The following RASSF3 variants were observed in gnomAD, a reference collection of about 807,000 sequenced individuals.
RASSF3 encodes Ras association domain family member 3.
RASSF3 carries 19 observed loss-of-function variants against 19.9 expected under a neutral mutation model. The observed-to-expected ratio is 0.96, with a 90% confidence interval of 0.67 to 1.40. The LOEUF (loss-of-function observed/expected upper bound fraction) is 1.40. Among genes scored for constraint, RASSF3 ranks in the 40% most tolerant of loss-of-function variants. The pLI is 0.00. For synonymous variants in RASSF3, 110 were observed against 104.2 expected, an observed-to-expected ratio of 1.06 and a Z score of -0.34; for missense variants, 306 against 289.8, an observed-to-expected ratio of 1.06 and a Z score of -0.41.
downstream of RASSF3, among the ~76,000 whole-genome samples, chr12:64,544,135 C>G (rs576746851): frequency 2.0e-5 from 3 of 152,262 alleles, no homozygotes; most frequent in Non-Finnish European, 2.9e-5. Flanking sequence ...TGGTACTGCT[C>G]ACTCTTTGGG....
At position 64,695,372 on chromosome 12, in the gene RASSF3, G is replaced by C. The variant is rs1252319932; in HGVS notation, c.*460G>C. The C allele has an allele frequency of 6.5e-6, 1 of 153,354 alleles. No homozygotes were observed. Among genetic ancestry groups the C allele is most frequent in the Non-Finnish European group, 1.5e-5 (1 of 68,940 alleles). 9.5% of individuals were successfully genotyped at this position (153,354 alleles called of 1,614,324 possible). On this transcript the variant is annotated 3_prime_UTR_variant, in exon 5 of 5. Transcript: ENST00000542104. ...TTGTTTTCTTTTTTTAATGTCAGAGGAATCTATCCATGTGAATCGAAAGGC... is the reference window on the plus strand; with the variant it reads ...TTGTTTTCTTTTTTTAATGTCAGAGCAATCTATCCATGTGAATCGAAAGGC...
At chr12:64,543,282 A>T (rs911593486), downstream of RASSF3, among the ~76,000 whole-genome samples, 4 of 148,878 alleles carry the variant, frequency 2.7e-5, no homozygotes, top group African/African-American at 9.9e-5. Context: ...CCGGGCTAGC[A>T]GCTGCGGAGG....
intron 1 of RASSF3, among the ~76,000 whole-genome samples, chr12:64,661,769 C>A (rs1394608602): frequency 6.7e-6 from 1 of 149,706 alleles, no homozygotes; most frequent in Non-Finnish European, 1.5e-5. Context: ...GCAGCCTCCA[C>A]CTCCTGGGTT....
In RASSF3 at chr12:64,648,403, A is replaced by T. The variant is rs61603142; in HGVS notation, c.112-36384A>T. Among the ~76,000 whole-genome samples, 1,067 of 152,238 alleles carry T rather than the reference A, an allele frequency of 7.0e-3. 15 individuals are homozygous for T. The highest frequency in any genetic ancestry group is 0.025 in the African/African-American group (1,028 of 41,528). On this transcript the variant is annotated intron_variant, in intron 1 of 4. Transcript: ENST00000542104. ...TATATCTGGGCTGGAGAAAATGGAC[A>T]TGGGACTCACAAAACTGGTTGTAGG...
At position 64,581,820 on chromosome 12, in the gene RASSF3, C is replaced by G. The variant is rs559195073; in HGVS notation, c.294+40115C>G. Among the ~76,000 whole-genome samples, 3 of 141,158 alleles carry G rather than the reference C, an allele frequency of 2.1e-5. No individual in the cohort carries two copies. The Middle Eastern group carries it at 0.01, about 494-fold the overall frequency. 92.6% of individuals were successfully genotyped at this position (141,158 alleles called of 152,430 possible). ...TTTTTGTTTTTCTTTTTTGTTTCTT[C>G]TTTTTAAATCTGAAAACCTTTCAAA... is the stretch of plus-strand genomic sequence containing the variant. On this transcript the variant is annotated intron_variant, in intron 2 of 5. Transcript: ENST00000637125.
chr12:64,688,588 G>C, intron 3 of RASSF3, 135 bp downstream of exon 3: 1 of 721,900 alleles, frequency 1.4e-6, no homozygotes, highest in Non-Finnish European at 2.4e-6. Flanking sequence ...GGAAGCCATG[G>C]TGATCTTAGC....
intron 2 of RASSF3, among the ~76,000 whole-genome samples, chr12:64,577,867 G>A (rs1354376303): frequency 1.3e-5 from 2 of 152,028 alleles, no homozygotes; most frequent in Admixed American, 6.6e-5. Context: ...GATTATATGC[G>A]AAGATGTCTC....
rs558570739 is a variant in RASSF3 at position 64,689,615 on chromosome 12, C to T, written c.457+1162C>T. On this transcript the variant is annotated intron_variant, in intron 3 of 4. Transcript: ENST00000542104. ...CCTGCTCACCTGGACTTTAGCTGTA[C>T]AATCTGAAAGTAATCGTGACTTGTT... is the stretch of plus-strand genomic sequence containing the variant. 5.8e-4 allele frequency among the ~76,000 whole-genome samples: 88 copies of T among 152,214 alleles called. 1 individual carries two copies. The highest frequency in any genetic ancestry group is 2.0e-3 in the African/African-American group (82 of 41,554).
At chr12:64,597,839 A>T (rs1321194212) in intron 2 of RASSF3, among the ~76,000 whole-genome samples, 2 of 152,170 alleles carry the variant, frequency 1.3e-5, no homozygotes, top group Non-Finnish European at 2.9e-5. Flanking sequence ...TGAACTTCCT[A>T]TTCTATTCCT....
chr12:64,528,939 G>C (rs568199746), upstream of RASSF3, among the ~76,000 whole-genome samples: 3 of 152,332 alleles, frequency 2.0e-5, no homozygotes, highest in East Asian at 5.8e-4. Context: ...CCTTGGGCAG[G>C]TTACTCAGCC....
intron 1 of RASSF3, among the ~76,000 whole-genome samples, chr12:64,620,014 C>CTGTGTGTGTGTG (rs68044550): frequency 0.038 from 5,053 of 134,096 alleles, 174 homozygotes; most frequent in African/African-American, 0.094. Flanking sequence ...TGCAGGTTGA[C>CTGTGTGTGTGTG]TGTGTGTGTG....
chr12:64,509,678 A>G lies in RASSF3; in HGVS notation c.169+2349A>G, dbSNP rs1868316381. ...CTTCATCAGTAGATAATCTATACCT[A>G]GAAAGTTTGATTATCTGTTTTTCCA... On this transcript the variant is annotated intron_variant, in intron 1 of 5. Coordinates refer to the RASSF3 transcript ENST00000637125. Among the ~76,000 whole-genome samples, 2 of 152,150 alleles carry G rather than the reference A, an allele frequency of 1.3e-5. 1 individual carries two copies. The highest frequency in any genetic ancestry group is 4.1e-4 in the South Asian group (2 of 4,836).
intron 1 of RASSF3, among the ~76,000 whole-genome samples, chr12:64,645,901 CAGCCCTTGGCT>C (rs2136187025): frequency 6.6e-6 from 1 of 152,236 alleles, no homozygotes; most frequent in South Asian, 2.1e-4. Flanking sequence ...GTAATCTCCC[CAGCCCTTGGCT>C]AGAACCACTA....
chr12:64,641,414 A>ACACACACG, intron 1 of RASSF3, among the ~76,000 whole-genome samples: 5 of 142,194 alleles, frequency 3.5e-5, no homozygotes, highest in African/African-American at 1.4e-4. Context: ...ACACACACAC[A>ACACACACG]CGCGCGCGCG....
chr12:64,689,788 A>ATTTTTTTTTTTTTTTTT (rs1285995154), intron 3 of RASSF3, among the ~76,000 whole-genome samples: 12 of 42,902 alleles, frequency 2.8e-4, no homozygotes, highest in Non-Finnish European at 3.9e-4. Context: ...TAATTCGCTA[A>ATTTTTTTTTTTTTTTTT]TTCTTTTTTT....
At chr12:64,557,042 G>A (rs1406378982) in intron 2 of RASSF3, among the ~76,000 whole-genome samples, 2 of 151,934 alleles carry the variant, frequency 1.3e-5, no homozygotes, top group Non-Finnish European at 2.9e-5. Flanking sequence ...TCCCCATGTT[G>A]GCCAGGCTGA....
chr12:64,610,988 C>G (rs2136152813), intron 1 of RASSF3, among the ~76,000 whole-genome samples: 1 of 152,304 alleles, frequency 6.6e-6, no homozygotes, highest in Non-Finnish European at 1.5e-5. Context: ...GCCTTCCGCG[C>G]CAGATGGCCT....
chr12:64,542,216 C>T (rs1047695493), downstream of RASSF3, among the ~76,000 whole-genome samples: 1 of 152,054 alleles, frequency 6.6e-6, no homozygotes, highest in South Asian at 2.1e-4. Context: ...CTCACCCAGC[C>T]ACTCAAGAGG....
At chr12:64,551,000 C>T (rs1381874470) in intron 2 of RASSF3, among the ~76,000 whole-genome samples, 3 of 152,060 alleles carry the variant, frequency 2.0e-5, no homozygotes, top group Non-Finnish European at 1.5e-5. Flanking sequence ...ACTCCTTTTC[C>T]CTCCTCAAGC....
Sources: allele counts gnomAD v4.1 joint callset (sites outside exome capture counted in the v4.1 genomes callset), GRCh38; gene constraint gnomAD v4.1.1; transcripts MANE v1.5; gene names NCBI Gene and HGNC (gene_info 2026-07-23, HGNC 2026-07-21).